The following EXPH5 variants were observed in gnomAD, a reference collection of about 807,000 sequenced individuals.
EXPH5 encodes the protein exophilin 5, also known as exophilin-5.
Under a neutral mutation model 41.1 loss-of-function variants are expected in EXPH5, and 42 were observed. The observed-to-expected ratio is 1.02, with a 90% CI of 0.80 to 1.32. The LOEUF is 1.32. EXPH5 is among the 40% of genes most tolerant of loss of function. EXPH5 has a pLI of 0.00. For missense variants in EXPH5, 2,298 were observed against 2,314.5 expected (o/e 0.99, Z 0.15); for synonymous variants, 798 against 833.5 (o/e 0.96, Z 0.73).
At chr11:108,565,789 AC>A (rs991780202) in intron 1 of EXPH5, among the ~76,000 whole-genome samples, 1 of 152,162 alleles carries the variant, frequency 6.6e-6, no homozygotes, top group Non-Finnish European at 1.5e-5. Context: ...ACCTATCTGG[AC>A]TTCTTTCCTA....
intron 1 of EXPH5, among the ~76,000 whole-genome samples, chr11:108,563,340 T>G (rs925413402): frequency 2.6e-5 from 4 of 152,190 alleles, no homozygotes; most frequent in Non-Finnish European, 2.9e-5. Flanking sequence ...AACCACAGTA[T>G]GACTGTGTCC....
At chr11:108,559,297 C>T (rs1229794501) in intron 1 of EXPH5, among the ~76,000 whole-genome samples, 1 of 152,194 alleles carries the variant, frequency 6.6e-6, no homozygotes, top group Non-Finnish European at 1.5e-5. Flanking sequence ...TCTTATTCCC[C>T]TTTATACAGA....
In EXPH5 at chr11:108,511,994, T is replaced by C; in HGVS notation, c.3513A>G (p.Arg1171=). ...ISPVESDSSV[R]DCSLTKRQHQ... is the part of the protein sequence containing the mutation. ...GTTGTCTTTTGGTTAAAGAACAATCTCTAACAGATGAGTCACTTTCCACAG... is the reference window on the plus strand; with the variant it reads ...GTTGTCTTTTGGTTAAAGAACAATCCCTAACAGATGAGTCACTTTCCACAG... Residue 1171 remains arginine, a synonymous_variant, in exon 6 of 6, where the codon AGA becomes AGG. Coordinates refer to ENST00000265843, the MANE Select transcript of EXPH5 (RefSeq NM_015065.3). The C allele has an allele frequency of 6.3e-7, 1 of 1,594,342 alleles. No individual in the cohort carries two copies. Among genetic ancestry groups the C allele is most frequent in the East Asian group, 2.2e-5 (1 of 44,832 alleles).
chr11:108,546,966 C>A (rs1411372927), intron 1 of EXPH5, among the ~76,000 whole-genome samples: 1 of 151,744 alleles, frequency 6.6e-6, no homozygotes, highest in Non-Finnish European at 1.5e-5. Context: ...CCACGCCCAG[C>A]TAATTTTTGT....
intron 1 of EXPH5, among the ~76,000 whole-genome samples, chr11:108,553,945 TC>T (rs1267681895): frequency 6.6e-6 from 1 of 152,202 alleles, no homozygotes; most frequent in Non-Finnish European, 1.5e-5. Flanking sequence ...ACTAATTTAA[TC>T]TTCACAAGAA....
At position 108,513,305 on chromosome 11, in the gene EXPH5, C is replaced by T. The variant is rs1290704939; in HGVS notation, c.2202G>A (p.Gly734=). The change falls in exon 6 of 6, where the codon GGG becomes GGA. Residue 734 remains glycine (G), a synonymous_variant. Coordinates refer to ENST00000265843, the MANE Select transcript of EXPH5 (RefSeq NM_015065.3). ...GAAAATCAGGTAAAGAGTTTGAGATCCCTGTCTGTGAAACAGGTTGGGGTA... is the reference window on the plus strand; with the variant it reads ...GAAAATCAGGTAAAGAGTTTGAGATTCCTGTCTGTGAAACAGGTTGGGGTA... The part of the protein sequence containing the change: ...GEIPQPVSQT[G]ISNSLPDFQN... The T allele has an allele frequency of 1.2e-6, 2 of 1,612,902 alleles. No homozygotes were observed. Among genetic ancestry groups the T allele is most frequent in the East Asian group, 2.2e-5 (1 of 44,880 alleles).
At position 108,587,063 on chromosome 11, in the gene EXPH5, C is replaced by T. The variant is rs537086502; in HGVS notation, c.119+6355G>A. Among the ~76,000 whole-genome samples the T allele has an allele frequency of 2.8e-3, 432 of 152,240 alleles. 3 individuals are homozygous for T. Among genetic ancestry groups the T allele is most frequent in the Non-Finnish European group, 4.7e-3 (317 of 68,022 alleles). On this transcript the variant is annotated intron_variant, in intron 1 of 5. Coordinates refer to ENST00000265843, the MANE Select transcript of EXPH5 (RefSeq NM_015065.3). ...CTAGCACTTCTTAGTTCTTAGCCAC[C>T]TTCTTCTCAATTTTAAGACCCTGCT...
chr11:108,563,213 T>C (rs969862883), intron 1 of EXPH5, among the ~76,000 whole-genome samples: 7 of 152,340 alleles, frequency 4.6e-5, no homozygotes, highest in African/African-American at 1.7e-4. Flanking sequence ...GACTGGTATC[T>C]GCCTCCTGCC....
chr11:108,511,493 C>A lies in EXPH5; in HGVS notation c.4014G>T (p.Gly1338=), dbSNP rs1228622653. The part of the protein sequence containing the change: ...NMTAFRLSNR[G]PLAPTLQEMA... ...TTTCCTGTAATGTAGGAGCTAGGGGCCCCCTATTTGATAATCGGAAGGCAG... is the reference window on the plus strand; with the variant it reads ...TTTCCTGTAATGTAGGAGCTAGGGGACCCCTATTTGATAATCGGAAGGCAG... The change falls in exon 6 of 6, where the codon GGG becomes GGT. Residue 1338 remains glycine (G), a synonymous_variant. Transcript: ENST00000265843. 1 of 1,588,892 alleles carries A rather than the reference C, an allele frequency of 6.3e-7. No individual in the cohort carries two copies. Among genetic ancestry groups the A allele is most frequent in the African/African-American group, 1.4e-5 (1 of 73,504 alleles).
Position 108,512,811 on chromosome 11 carries a change from A to G in EXPH5, c.2696T>C (p.Val899Ala), listed in dbSNP as rs17108112. 6.3e-3 allele frequency: 10,197 copies of G among 1,614,166 alleles called. 395 individuals are homozygous for G. The African/African-American group carries it at 0.1, about 16-fold the overall frequency. ...PSKNSSLDAP[V>A]VPSTTVFSRR... Reference sequence around the variant, plus strand: ...GGAGAACACTGTAGTAGATGGAACCACAGGAGCATCAAGGGAAGAATTCTT... The same window carrying G: ...GGAGAACACTGTAGTAGATGGAACCGCAGGAGCATCAAGGGAAGAATTCTT... Residue 899 changes from valine to alanine, a missense_variant, in exon 6 of 6, where the codon GTG (valine) becomes GCG (alanine). Physicochemically the swap from Val to Ala is moderately conservative, Grantham distance 64 (BLOSUM62 0). Transcript: ENST00000265843.
At chr11:108,525,424 C>T (rs2093792151) in intron 4 of EXPH5, among the ~76,000 whole-genome samples, 1 of 152,192 alleles carries the variant, frequency 6.6e-6, no homozygotes, top group South Asian at 2.1e-4. Flanking sequence ...TGCTCCTAAA[C>T]ATCCTGCAAT....
intron 1 of EXPH5, among the ~76,000 whole-genome samples, chr11:108,570,102 C>T (rs2094053200): frequency 1.3e-5 from 2 of 152,190 alleles, no homozygotes; most frequent in Admixed American, 6.5e-5. Context: ...CCTGGCCTGC[C>T]TCCTGAAATG....
At chr11:108,572,201 C>T (rs1251665896) in intron 1 of EXPH5, among the ~76,000 whole-genome samples, 4 of 152,166 alleles carry the variant, frequency 2.6e-5, no homozygotes, top group South Asian at 4.1e-4. Flanking sequence ...ACACCAAGTG[C>T]GCAGTGAAAC....
intron 3 of EXPH5, among the ~76,000 whole-genome samples, chr11:108,532,384 T>A (rs1316115226): frequency 2.2e-4 from 18 of 82,350 alleles, no homozygotes; most frequent in African/African-American, 1.0e-3. Flanking sequence ...TTTTTTTTTT[T>A]TTTTTTTTTT....
intron 3 of EXPH5, among the ~76,000 whole-genome samples, chr11:108,532,921 G>A (rs112467677): frequency 0.021 from 3,269 of 152,218 alleles, 106 homozygotes; most frequent in African/African-American, 0.072. Context: ...TCTTAGCATT[G>A]TTCTTGTGTG....
chr11:108,545,723 C>A (rs1321683819), intron 1 of EXPH5, among the ~76,000 whole-genome samples: 1 of 151,806 alleles, frequency 6.6e-6, no homozygotes, highest in African/African-American at 2.4e-5. Context: ...GCCAACATAG[C>A]GAAAACCCAC....
Position 108,512,833 on chromosome 11 carries a change from T to C in EXPH5, c.2674A>G (p.Asn892Asp), listed in dbSNP as rs10890850. 2 of 1,614,018 alleles carry C rather than the reference T, an allele frequency of 1.2e-6. No individual in the cohort carries two copies. The highest frequency in any genetic ancestry group is 1.7e-5 in the Admixed American group (1 of 60,012). Residue 892 changes from asparagine to aspartate, a missense_variant, in exon 6 of 6, where the codon AAT becomes GAT. By Grantham distance (23) the Asn-to-Asp change is conservative. Coordinates refer to ENST00000265843, the MANE Select transcript of EXPH5 (RefSeq NM_015065.3). ...ACCACAGGAGCATCAAGGGAAGAATTCTTTGATGGTGAGGAATCTGGTAGT... is the reference window on the plus strand; with the variant it reads ...ACCACAGGAGCATCAAGGGAAGAATCCTTTGATGGTGAGGAATCTGGTAGT... Reference protein sequence around the residue: ...AALPDSSPSKNSSLDAPVVPS... With the variant: ...AALPDSSPSKDSSLDAPVVPS...
In EXPH5 at chr11:108,509,549, C is replaced by A. The variant is rs1306939627; in HGVS notation, c.5958G>T (p.Glu1986Asp). The part of the protein sequence containing the change: ...DEYYLDENDK[E>D]SEL The stretch of plus-strand genomic sequence containing the variant: ...TATTGAAAAAGCCTCACAGTTCTGA[C>A]TCTTTGTCATTTTCATCCAGGTAGT... The change falls in exon 6 of 6, where the codon GAG (glutamate) becomes GAT (aspartate). Residue 1986 changes from glutamate (E) to aspartate (D), a missense_variant. Physicochemically the swap from Glu to Asp is conservative, Grantham distance 45. Coordinates refer to ENST00000265843, the MANE Select transcript of EXPH5 (RefSeq NM_015065.3). The A allele has an allele frequency of 2.6e-6, 4 of 1,554,064 alleles. No individual in the cohort carries two copies. The highest frequency in any genetic ancestry group is 3.5e-6 in the Non-Finnish European group (4 of 1,157,340).
the EXPH5 span, among the ~76,000 whole-genome samples, chr11:108,604,372 G>A: frequency 5.1e-4 from 78 of 152,206 alleles, no homozygotes; most frequent in African/African-American, 1.6e-3. Context: ...TTCCAGCCTG[G>A]GTAACAGAGC....
Sources: allele counts gnomAD v4.1 joint callset (sites outside exome capture counted in the v4.1 genomes callset), GRCh38; gene constraint gnomAD v4.1.1; transcripts MANE v1.5; gene names NCBI Gene and HGNC (gene_info 2026-07-23, HGNC 2026-07-21).